TTLL7: variants seen among roughly 807,000 people sequenced by gnomAD.
TTLL7 encodes the protein tubulin polyglutamylase TTLL7.
A neutral mutation model predicts 120.2 loss-of-function variants in TTLL7; 53 were observed. That is an observed-to-expected ratio of 0.44 (90% CI 0.35 to 0.55). TTLL7 has a LOEUF of 0.55. Ranked by LOEUF, TTLL7 falls within the 20% of genes least tolerant of loss-of-function variation. The pLI, the probability that TTLL7 is intolerant of heterozygous loss-of-function variation, is 0.00. For synonymous variants in TTLL7, 353 were observed against 351.7 expected (o/e 1.00, Z -0.04); for missense variants, 803 against 1,054.7 (o/e 0.76, Z 3.31).
rs115825692 is a variant in TTLL7, at chr1:83,896,899, T to C, written c.2209-6418A>G. Among the ~76,000 whole-genome samples, 1,092 of 152,190 alleles carry C rather than the reference T, an allele frequency of 7.2e-3. 19 individuals are homozygous for C. The highest frequency in any genetic ancestry group is 0.025 in the African/African-American group (1,044 of 41,550). ...CATGACTATATTTTCATACTTCATA[T>C]ATATTCCTCACAAACTATATAAAGC... On this transcript the variant is annotated intron_variant, in intron 18 of 20. Transcript: ENST00000260505.
intron 19 of TTLL7, among the ~76,000 whole-genome samples, chr1:83,884,166 G>A (rs762987130): frequency 3.3e-5 from 5 of 151,688 alleles, no homozygotes; most frequent in Non-Finnish European, 7.4e-5. Context: ...GGGAGAGAGA[G>A]AGAGAGATTT....
At chr1:83,930,995 T>C (rs1275825640) in intron 9 of TTLL7, among the ~76,000 whole-genome samples, 1 of 151,122 alleles carries the variant, frequency 6.6e-6, no homozygotes, top group African/African-American at 2.4e-5. Flanking sequence ...CATTCAGGGT[T>C]GTTCTTGTTT....
chr1:83,927,636 T>C (rs1008986857), intron 10 of TTLL7, among the ~76,000 whole-genome samples: 4 of 152,174 alleles, frequency 2.6e-5, no homozygotes, highest in African/African-American at 9.7e-5. Context: ...GTAAACAGAA[T>C]TCTATTTAGG....
intron 18 of TTLL7, among the ~76,000 whole-genome samples, chr1:83,892,658 A>ATGAACATATATATGAACATATGAC (rs1655750629): frequency 6.8e-6 from 1 of 147,314 alleles, no homozygotes; most frequent in Non-Finnish European, 1.5e-5. Flanking sequence ...GAACATATGA[A>ATGAACATATATATGAACATATGAC]TGAACATATA....
chr1:83,880,760 C>T (rs1342294013), intron 20 of TTLL7, among the ~76,000 whole-genome samples: 2 of 152,026 alleles, frequency 1.3e-5, no homozygotes, highest in Non-Finnish European at 2.9e-5. Context: ...TCATATGGAA[C>T]CAAAAAGAGC....
Position 83,911,209 on chromosome 1 carries a change from T to C in TTLL7, c.1742A>G (p.Tyr581Cys). ...GTAGTGGTTGGAGGGTTTAAGATTA[T>C]ATGTAACTTGCTTTTCTCTTTTCTT... ...QNKKREKQVT[Y>C]NLKPSNHYKL... Residue 581 changes from tyrosine to cysteine, a missense_variant, in exon 15 of 21, where the codon TAT (tyrosine) becomes TGT (cysteine). Tyr to Cys is a radical substitution (Grantham distance 194). This residue lies in a region of TTLL7 where 388 missense variants were observed against 450.4 expected (regional missense o/e 0.86). Coordinates refer to ENST00000260505, the MANE Select transcript of TTLL7 (RefSeq NM_024686.6). 1 of 1,613,322 alleles carries C rather than the reference T, an allele frequency of 6.2e-7. No homozygotes were observed. The highest frequency in any genetic ancestry group is 8.5e-7 in the Non-Finnish European group (1 of 1,179,372).
chr1:83,884,581 G>T (rs1654809269), intron 19 of TTLL7, among the ~76,000 whole-genome samples: 1 of 151,710 alleles, frequency 6.6e-6, no homozygotes, highest in African/African-American at 2.4e-5. Context: ...TCAGTGTTCT[G>T]AAATGTTCAG....
intron 9 of TTLL7, among the ~76,000 whole-genome samples, chr1:83,932,950 T>A (rs576165310): frequency 6.6e-6 from 1 of 152,146 alleles, no homozygotes; most frequent in Non-Finnish European, 1.5e-5. Flanking sequence ...GGAAAAAATA[T>A]AAAAATTGTC....
intron 5 of TTLL7, 191 bp from the exon 6 acceptor site, chr1:83,947,473 G>T: frequency 2.1e-6 from 1 of 486,948 alleles, no homozygotes; most frequent in South Asian, 3.5e-5. Flanking sequence ...TCTGGACTAT[G>T]GATTCATCAG....
chr1:83,977,159 T>C (rs1283888484), intron 1 of TTLL7, among the ~76,000 whole-genome samples: 3 of 152,126 alleles, frequency 2.0e-5, no homozygotes, highest in African/African-American at 4.8e-5. Context: ...ATTAAGACAC[T>C]TGATATCATC....
At chr1:83,873,202 G>C (rs187407636) in intron 20 of TTLL7, among the ~76,000 whole-genome samples, 14 of 152,210 alleles carry the variant, frequency 9.2e-5, no homozygotes, top group Admixed American at 7.9e-4. Context: ...TTGAAAAGAA[G>C]TTCGGCATGA....
At chr1:83,930,585 A>G (rs1659513072) in intron 9 of TTLL7, among the ~76,000 whole-genome samples, 1 of 152,204 alleles carries the variant, frequency 6.6e-6, no homozygotes. Context: ...AATATATTTT[A>G]TGGGAGAAAA....
Position 83,892,603 on chromosome 1 carries a change from C to CATATGAATGA in TTLL7, c.2209-2123_2209-2122insTCATTCATAT, listed in dbSNP as rs1266585614. Among the ~76,000 whole-genome samples the CATATGAATGA allele has an allele frequency of 2.5e-4, 33 of 133,312 alleles. 1 individual carries two copies. The highest frequency in any genetic ancestry group is 9.3e-4 in the African/African-American group (33 of 35,656). 87.5% of individuals were successfully genotyped at this position (133,312 alleles called of 152,430 possible). On this transcript the variant is annotated intron_variant, in intron 18 of 20. Coordinates refer to ENST00000260505, the MANE Select transcript of TTLL7 (RefSeq NM_024686.6). ...ACATATAAATGAACATATGAATGAA[C>CATATGAATGA]ATATATATGAACATATATATGAACA...
chr1:83,982,891 G>A (rs531850248), intron 1 of TTLL7, among the ~76,000 whole-genome samples: 1 of 152,262 alleles, frequency 6.6e-6, no homozygotes, highest in African/African-American at 2.4e-5. Flanking sequence ...CACATTACCA[G>A]ACTTCAAACT....
chr1:83,979,557 C>T (rs1166980287), intron 1 of TTLL7: 2 of 152,204 alleles, frequency 1.3e-5, no homozygotes, highest in Non-Finnish European at 2.9e-5. Flanking sequence ...TCTCATAATC[C>T]TAACCTTGCA....
intron 1 of TTLL7, among the ~76,000 whole-genome samples, chr1:83,977,953 A>G (rs1651640725): frequency 6.6e-6 from 1 of 152,126 alleles, no homozygotes; most frequent in African/African-American, 2.4e-5. Context: ...TTTGAGTATA[A>G]TTATCTCCGG....
chr1:83,903,361 T>C (rs1656890713), intron 18 of TTLL7, among the ~76,000 whole-genome samples: 1 of 152,088 alleles, frequency 6.6e-6, no homozygotes, highest in South Asian at 2.1e-4. Flanking sequence ...AAGATATCTG[T>C]ATAGCATGAT....
intron 15 of TTLL7, 30 bp from the exon 16 acceptor site, chr1:83,907,691 A>G (rs1381539102): frequency 6.3e-7 from 1 of 1,592,708 alleles, no homozygotes. Context: ...GGGATACTAC[A>G]GTAGCAGTAT....
intron 1 of TTLL7, among the ~76,000 whole-genome samples, chr1:83,969,201 TA>T (rs1018181079): frequency 1.2e-4 from 18 of 147,494 alleles, no homozygotes; most frequent in South Asian, 2.1e-4. Context: ...AGTAATTTGG[TA>T]AAAAAAAAAA....
Sources: allele counts gnomAD v4.1 joint callset (sites outside exome capture counted in the v4.1 genomes callset), GRCh38; gene constraint gnomAD v4.1.1; regional missense constraint gnomAD v4.1.1; transcripts MANE v1.5; gene names NCBI Gene and HGNC (gene_info 2026-07-23, HGNC 2026-07-21).